Variants in SLC6A6 observed in about 807,000 individuals in gnomAD.
The protein encoded by SLC6A6 is solute carrier family 6 member 6.
A neutral mutation model predicts 68.8 loss-of-function variants in SLC6A6; 16 were observed. The observed-to-expected ratio is 0.23, with a 90% CI of 0.16 to 0.35. The LOEUF (loss-of-function observed/expected upper bound fraction) is 0.35. Among genes scored for constraint, SLC6A6 ranks in the 10% least tolerant of loss-of-function variants. The pLI is 1.00. For missense variants in SLC6A6, 474 were observed against 802.8 expected (o/e 0.59, Z 4.95); for synonymous variants, 312 against 315.4 (o/e 0.99, Z 0.12).
At chr3:14,473,875 A>T (rs1372528080) in intron 10 of SLC6A6, among the ~76,000 whole-genome samples, 1 of 152,216 alleles carries the variant, frequency 6.6e-6, no homozygotes, top group African/African-American at 2.4e-5. Flanking sequence ...TGACATCTTC[A>T]TGGGCCCAAA....
At chr3:14,436,335 GGACTGCAGGCGCACGT>G (rs1457883506) in intron 2 of SLC6A6, among the ~76,000 whole-genome samples, 1 of 151,820 alleles carries the variant, frequency 6.6e-6, no homozygotes, top group Non-Finnish European at 1.5e-5. Flanking sequence ...TGAGTAGCTG[GGACTGCAGGCGCACGT>G]GACCACACCT....
intron 3 of SLC6A6, 32 bp downstream of exon 3, chr3:14,443,895 T>C: frequency 6.7e-7 from 1 of 1,501,094 alleles, no homozygotes; most frequent in Non-Finnish European, 9.3e-7. Flanking sequence ...GGGGAGCCCA[T>C]CCAGTACAAA....
chr3:14,418,152 A>T (rs1342089713), intron 2 of SLC6A6, among the ~76,000 whole-genome samples: 1 of 152,190 alleles, frequency 6.6e-6, no homozygotes, highest in Non-Finnish European at 1.5e-5. Context: ...TTCCTTTAGT[A>T]AAAAAGATGG....
At position 14,489,268 on chromosome 3, in the gene SLC6A6, T is replaced by G. The variant is rs1257203834; in HGVS notation, c.*4261T>G. On this transcript the variant is annotated 3_prime_UTR_variant, in exon 15 of 15. Transcript: ENST00000622186. Reference sequence around the variant, plus strand: ...TTTAGATAAATATGTATATCAATATTTTAAATTCATCTTTGCTTTTTTTAG... The same window carrying G: ...TTTAGATAAATATGTATATCAATATGTTAAATTCATCTTTGCTTTTTTTAG... The G allele has an allele frequency of 3.3e-5, 5 of 152,648 alleles. No individual in the cohort carries two copies. The East Asian group carries it at 9.6e-4, about 29-fold the overall frequency. 9.5% of individuals were successfully genotyped at this position (152,648 alleles called of 1,614,324 possible). A position where few individuals can be genotyped will look rare whatever the true frequency, so the allele number is the denominator to read the frequency against.
chr3:14,447,128 A>G (rs1380226084), intron 4 of SLC6A6, among the ~76,000 whole-genome samples: 1 of 152,034 alleles, frequency 6.6e-6, no homozygotes, highest in Non-Finnish European at 1.5e-5. Context: ...AACATTCTTC[A>G]ATTTAGCTGT....
chr3:14,438,820 T>A (rs1188825235), intron 2 of SLC6A6, among the ~76,000 whole-genome samples: 2 of 152,220 alleles, frequency 1.3e-5, no homozygotes, highest in African/African-American at 4.8e-5. Flanking sequence ...GAGATTTAAA[T>A]CATTGTTCTC....
At chr3:14,445,157 T>C (rs997901650) in intron 3 of SLC6A6, among the ~76,000 whole-genome samples, 1 of 151,764 alleles carries the variant, frequency 6.6e-6, no homozygotes, top group African/African-American at 2.4e-5. Flanking sequence ...GCGCGGTGGC[T>C]CACGCCTGTA....
chr3:14,460,345 A>G (rs1700467233), intron 6 of SLC6A6, among the ~76,000 whole-genome samples: 2 of 151,994 alleles, frequency 1.3e-5, no homozygotes, highest in South Asian at 4.1e-4. Flanking sequence ...GAGCTATGGG[A>G]AAAAGTCAAG....
chr3:14,452,255 A>G (rs939316254), intron 5 of SLC6A6, among the ~76,000 whole-genome samples: 15 of 152,184 alleles, frequency 9.9e-5, no homozygotes, highest in African/African-American at 3.6e-4. Flanking sequence ...CACGACCTTG[A>G]GGCAGTGACC....
intron 2 of SLC6A6, 63 bp downstream of exon 2, chr3:14,416,516 G>T (rs760424139): frequency 5.0e-5 from 20 of 397,448 alleles, no homozygotes; most frequent in African/African-American, 1.0e-4. Flanking sequence ...GACCCAAGGT[G>T]GGGGGCTCAG....
chr3:14,447,238 A>ATCCATCCG (rs1201118532), intron 4 of SLC6A6, among the ~76,000 whole-genome samples: 2 of 150,974 alleles, frequency 1.3e-5, no homozygotes, highest in African/African-American at 2.5e-5. Flanking sequence ...CCATCCATCC[A>ATCCATCCG]TCCATCCATC....
chr3:14,452,752 A>G (rs1226992595), intron 5 of SLC6A6, among the ~76,000 whole-genome samples: 1 of 152,176 alleles, frequency 6.6e-6, no homozygotes, highest in Non-Finnish European at 1.5e-5. Context: ...CAGTCATTTC[A>G]TGCTGGCTTT....
Position 14,479,110 on chromosome 3 carries a change from T to C in SLC6A6, c.1476T>C (p.Ile492=). The C allele has an allele frequency of 1.2e-6, 2 of 1,612,644 alleles. No individual in the cohort carries two copies. The highest frequency in any genetic ancestry group is 1.7e-6 in the Non-Finnish European group (2 of 1,178,672). The change falls in exon 13 of 15, where the codon ATT becomes ATC. Residue 492 remains isoleucine, a synonymous_variant. Coordinates refer to ENST00000622186, the MANE Select transcript of SLC6A6 (RefSeq NM_003043.6). ...GAGGTGATAACCTTTATGATGGTAT[T>C]GAGGACATGATTGGCTATCGGCCCG... is the stretch of plus-strand genomic sequence containing the variant. ...IYGGDNLYDG[I]EDMIGYRPGP... is the part of the protein sequence containing the mutation.
intron 13 of SLC6A6, among the ~76,000 whole-genome samples, chr3:14,480,071 G>A (rs1427833736): frequency 6.6e-6 from 1 of 152,190 alleles, no homozygotes; most frequent in Non-Finnish European, 1.5e-5. Flanking sequence ...ATGACCTCAA[G>A]CAAGTCACTT....
At chr3:14,446,792 C>T (rs570858503) in intron 4 of SLC6A6, among the ~76,000 whole-genome samples, 2 of 152,326 alleles carry the variant, frequency 1.3e-5, no homozygotes, top group African/African-American at 4.8e-5. Flanking sequence ...ATGCTTTGTA[C>T]ACAGTCAGCA....
At chr3:14,476,511 C>T (rs568482163) in intron 10 of SLC6A6, among the ~76,000 whole-genome samples, 2 of 152,330 alleles carry the variant, frequency 1.3e-5, no homozygotes, top group African/African-American at 2.4e-5. Context: ...GAGTCCCAGG[C>T]AGCACACACA....
intron 6 of SLC6A6, among the ~76,000 whole-genome samples, chr3:14,464,156 C>T (rs553234396): frequency 2.0e-5 from 3 of 152,308 alleles, no homozygotes; most frequent in East Asian, 1.9e-4. Context: ...GAGCGGACAG[C>T]GGCTTCCTGG....
At chr3:14,474,576 A>C (rs1306697281) in intron 10 of SLC6A6, among the ~76,000 whole-genome samples, 1 of 152,100 alleles carries the variant, frequency 6.6e-6, no homozygotes, top group Non-Finnish European at 1.5e-5. Context: ...TTTGTACATG[A>C]ACTCCTTAAG....
intron 1 of SLC6A6, among the ~76,000 whole-genome samples, chr3:14,407,991 A>T (rs958549296): frequency 2.0e-5 from 3 of 150,998 alleles, no homozygotes; most frequent in Non-Finnish European, 4.4e-5. Context: ...CATTGTATGG[A>T]TGTTCCACAA....
Sources: gnomAD v4.1 joint callset for allele counts (sites outside exome capture counted in the v4.1 genomes callset) on GRCh38, gnomAD v4.1.1 for gene constraint, MANE v1.5 for transcripts, NCBI Gene and HGNC (gene_info 2026-07-23, HGNC 2026-07-21) for gene names.